Variants in WDR41 observed in about 807,000 individuals in gnomAD.
The protein encoded by WDR41 is WD repeat-containing protein 41.
A neutral mutation model predicts 69.3 loss-of-function variants in WDR41; 63 were observed. The observed-to-expected ratio is 0.91, with a 90% CI of 0.74 to 1.12. The LOEUF (loss-of-function observed/expected upper bound fraction) is 1.12. Ranked by LOEUF, WDR41 falls within the 50% of genes most tolerant of loss-of-function variation. The probability of loss-of-function intolerance (pLI) is 0.00; values close to 1 mark genes in which losing one functional copy is unlikely to be tolerated. For synonymous variants in WDR41, 185 were observed against 192.1 expected, an observed-to-expected ratio of 0.96 and a Z score of 0.31; for missense variants, 543 against 534.5, an observed-to-expected ratio of 1.02 and a Z score of -0.16.
At chr5:77,607,291 A>G (rs1744442388) in intron 1 of WDR41, among the ~76,000 whole-genome samples, 2 of 152,252 alleles carry the variant, frequency 1.3e-5, no homozygotes, top group African/African-American at 2.4e-5. Context: ...GGTGTGATAG[A>G]TGCTACAAAG....
At chr5:77,581,415 T>C (rs537821746) in intron 1 of WDR41, among the ~76,000 whole-genome samples, 19 of 152,322 alleles carry the variant, frequency 1.2e-4, no homozygotes, top group Non-Finnish European at 2.6e-4. Context: ...ACTGGAGGTT[T>C]CAATATCCCA....
intron 1 of WDR41, chr5:77,545,800 T>G: frequency 3.9e-6 from 4 of 1,022,926 alleles, no homozygotes; most frequent in Non-Finnish European, 5.6e-6. Context: ...GGTCTGGGTG[T>G]TAAGTGCTCC....
chr5:77,568,260 A>T (rs62362537), intron 1 of WDR41, among the ~76,000 whole-genome samples: 17,582 of 152,166 alleles, frequency 0.12, 1,250 homozygotes, highest in South Asian at 0.16. Flanking sequence ...CAGAGCAAAC[A>T]GCTGCTGAGG....
intron 2 of WDR41, among the ~76,000 whole-genome samples, chr5:77,466,727 T>C (rs142333640): frequency 6.6e-6 from 1 of 151,788 alleles, no homozygotes; most frequent in African/African-American, 2.4e-5. Context: ...TCACAGTCAA[T>C]TTTTTATTGC....
At chr5:77,565,476 C>G (rs1002911661) in intron 1 of WDR41, among the ~76,000 whole-genome samples, 2 of 151,912 alleles carry the variant, frequency 1.3e-5, no homozygotes, top group African/African-American at 4.8e-5. Flanking sequence ...CTGGGAGCCC[C>G]CTGAATCATT....
rs1459214254 is a variant in WDR41 at position 77,492,213 on chromosome 5, C to A, written c.8G>T (p.Arg3Leu). 17 of 1,612,694 alleles carry A rather than the reference C, an allele frequency of 1.1e-5. No individual in the cohort carries two copies. Among genetic ancestry groups the A allele is most frequent in the Non-Finnish European group, 1.3e-5 (15 of 1,179,590 alleles). The part of the protein sequence containing the change: ML[R>L]WLIGGGREPQ... ...TTCTCGGCCTCCCCCGATCAGCCATCGCAACATCCGGGCAGCGGCGGCGTC... is the reference window on the plus strand; with the variant it reads ...TTCTCGGCCTCCCCCGATCAGCCATAGCAACATCCGGGCAGCGGCGGCGTC... Residue 3 changes from arginine to leucine, a missense_variant, in exon 1 of 13, where the codon CGA becomes CTA. Coordinates refer to ENST00000296679, the MANE Select transcript of WDR41 (RefSeq NM_018268.4).
intron 1 of WDR41, among the ~76,000 whole-genome samples, chr5:77,544,598 C>G (rs567626870): frequency 6.6e-6 from 1 of 152,104 alleles, no homozygotes; most frequent in South Asian, 2.1e-4. Context: ...TAATAAAAGG[C>G]CTTGTCCAAG....
At chr5:77,499,209 G>C (rs1353894309) in intron 1 of WDR41, 1 of 152,240 alleles carries the variant, frequency 6.6e-6, no homozygotes, top group Non-Finnish European at 1.5e-5. Flanking sequence ...AAGAATACCA[G>C]AATTCAAATT....
intron 1 of WDR41, among the ~76,000 whole-genome samples, chr5:77,569,368 A>G (rs1743691763): frequency 6.6e-6 from 1 of 152,156 alleles, no homozygotes; most frequent in South Asian, 2.1e-4. Flanking sequence ...ACATGCAACT[A>G]ATTTTTTCCT....
At chr5:77,559,706 T>A (rs1391826858) in intron 1 of WDR41, among the ~76,000 whole-genome samples, 1 of 151,914 alleles carries the variant, frequency 6.6e-6, no homozygotes, top group Non-Finnish European at 1.5e-5. Context: ...TGTGTGTGTA[T>A]TCCTACATAC....
At position 77,565,473 on chromosome 5, in the gene WDR41, C is replaced by T. The variant is rs144949724; in HGVS notation, c.42+55006G>A. Among the ~76,000 whole-genome samples, 513 of 152,140 alleles carry T rather than the reference C, an allele frequency of 3.4e-3. 1 individual carries two copies. Among genetic ancestry groups the T allele is most frequent in the African/African-American group, 0.012 (483 of 41,516 alleles). Reference sequence around the variant, plus strand: ...CCATTCATTTTCCCTGAGCTGGGAGCCCCCTGAATCATTCCAACTTGAGGT... The same window carrying T: ...CCATTCATTTTCCCTGAGCTGGGAGTCCCCTGAATCATTCCAACTTGAGGT... On this transcript the variant is annotated intron_variant, in intron 1 of 5. Transcript: ENST00000509971.
rs139852610 is a variant in WDR41, at chr5:77,588,439, T to C, written c.42+32040A>G. The stretch of plus-strand genomic sequence containing the variant: ...TCCACATTTAGATCTGAAGTCCATA[T>C]AGAAGTGATTTTTTGTGTGTAACAT... On this transcript the variant is annotated intron_variant, in intron 1 of 5. Transcript: ENST00000509971. Among the ~76,000 whole-genome samples the C allele has an allele frequency of 3.3e-3, 507 of 152,312 alleles. 1 individual carries two copies. Among genetic ancestry groups the C allele is most frequent in the African/African-American group, 0.011 (477 of 41,584 alleles).
chr5:77,464,707 C>G (rs1800224442), intron 3 of WDR41, 54 bp downstream of exon 3: 1 of 1,550,564 alleles, frequency 6.4e-7, no homozygotes, highest in Middle Eastern at 1.7e-4. Context: ...TGAATACATA[C>G]TCAACTACAT....
At chr5:77,468,774 C>A (rs1800418925) in intron 2 of WDR41, among the ~76,000 whole-genome samples, 1 of 152,184 alleles carries the variant, frequency 6.6e-6, no homozygotes, top group Non-Finnish European at 1.5e-5. Context: ...TCCACCTAAC[C>A]TGCAAGTACT....
chr5:77,545,920 A>G (rs1743188154), intron 1 of WDR41: 1 of 515,908 alleles, frequency 1.9e-6, no homozygotes, highest in Non-Finnish European at 3.4e-6. Context: ...GGAAAGCCCC[A>G]TGCCATCCCT....
Position 77,431,496 on chromosome 5 carries a change from T to A in WDR41, c.*1639A>T, listed in dbSNP as rs1377808378. 6.6e-6 allele frequency: 1 copy of A among 152,218 alleles called. No homozygotes were observed. Among genetic ancestry groups the A allele is most frequent in the African/African-American group, 2.4e-5 (1 of 41,456 alleles). The allele number at this position is 152,218 out of a possible 1,614,324, so 9.4% of individuals were successfully genotyped here. A position where few individuals can be genotyped will look rare whatever the true frequency, so the allele number is the denominator to read the frequency against. Reference sequence around the variant, plus strand: ...GACTCACTCTATTTGCAATAGTTGCTTTTTTGATGTGGTCTGAAACCTAAC... The same window carrying A: ...GACTCACTCTATTTGCAATAGTTGCATTTTTGATGTGGTCTGAAACCTAAC... On this transcript the variant is annotated 3_prime_UTR_variant, in exon 13 of 13. Coordinates refer to ENST00000296679, the MANE Select transcript of WDR41 (RefSeq NM_018268.4).
At chr5:77,493,547 A>C (rs1345551127), upstream of WDR41, among the ~76,000 whole-genome samples, 1 of 152,150 alleles carries the variant, frequency 6.6e-6, no homozygotes, top group Non-Finnish European at 1.5e-5. Context: ...GATCTCCTAT[A>C]ATTCATCTTT....
chr5:77,474,697 A>G (rs1157642927), intron 2 of WDR41, among the ~76,000 whole-genome samples: 2 of 151,020 alleles, frequency 1.3e-5, no homozygotes, highest in Non-Finnish European at 2.9e-5. Flanking sequence ...CTCACAAACA[A>G]AGATTGCATA....
chr5:77,570,738 T>C (rs1469627091), intron 1 of WDR41, among the ~76,000 whole-genome samples: 4 of 151,842 alleles, frequency 2.6e-5, no homozygotes, highest in Admixed American at 6.6e-5. Flanking sequence ...TTTTAAATCA[T>C]ATATTTCAAA....
Sources: gnomAD v4.1 joint callset for allele counts (sites outside exome capture counted in the v4.1 genomes callset) on GRCh38, gnomAD v4.1.1 for gene constraint, MANE v1.5 for transcripts, NCBI Gene and HGNC (gene_info 2026-07-23, HGNC 2026-07-21) for gene names.